The following OR52A5 variants were observed in gnomAD, a reference collection of about 807,000 sequenced individuals.
The protein encoded by OR52A5 is olfactory receptor family 52 subfamily A member 5.
OR52A5 carries 16 observed loss-of-function variants against 18.2 expected under a neutral mutation model. The ratio of observed to expected loss-of-function variants is 0.88; its 90% CI spans 0.60 to 1.34. OR52A5 has a LOEUF of 1.34. Among genes scored for constraint, OR52A5 ranks in the 40% most tolerant of loss-of-function variants. The probability of loss-of-function intolerance (pLI) is 0.00; values close to 1 mark genes in which losing one functional copy is unlikely to be tolerated. For missense variants in OR52A5, 418 were observed against 383.0 expected (o/e 1.09, Z -0.76); for synonymous variants, 140 against 137.2 (o/e 1.02, Z -0.14).
At position 5,131,571 on chromosome 11, in the gene OR52A5, A is replaced by G; in HGVS notation, c.*121T>C. The G allele has an allele frequency of 3.5e-6, 2 of 566,484 alleles. No individual in the cohort carries two copies. The highest frequency in any genetic ancestry group is 6.2e-6 in the Non-Finnish European group (2 of 322,200). 35.1% of individuals were successfully genotyped at this position (566,484 alleles called of 1,614,324 possible). ...TTCAAAGCAAATACTAAAAAGTGAG[A>G]CATAGCTAGAATTACAGGTATGTGT... is the stretch of plus-strand genomic sequence containing the variant. On this transcript the variant is annotated 3_prime_UTR_variant, in exon 2 of 2. Transcript: ENST00000307388.
At chr11:5,133,354 C>T (rs897996316) in intron 1 of OR52A5, among the ~76,000 whole-genome samples, 6 of 106,388 alleles carry the variant, frequency 5.6e-5, no homozygotes, top group Admixed American at 2.9e-4. Flanking sequence ...GACGACAGAG[C>T]GAGACTGTCA....
chr11:5,133,948 G>A (rs772653107), intron 1 of OR52A5, among the ~76,000 whole-genome samples: 3 of 151,968 alleles, frequency 2.0e-5, no homozygotes, highest in Non-Finnish European at 2.9e-5. Context: ...TCTTTGGCAC[G>A]TTATTTTGCA....
Position 5,130,052 on chromosome 11 carries a change from G to A in OR52A5, c.*1640C>T, listed in dbSNP as rs913886619. 6.6e-6 allele frequency: 1 copy of A among 151,032 alleles called. No homozygotes were observed. The highest frequency in any genetic ancestry group is 1.5e-5 in the Non-Finnish European group (1 of 67,750). 9.4% of individuals were successfully genotyped at this position (151,032 alleles called of 1,614,324 possible). A position where few individuals can be genotyped will look rare whatever the true frequency, so the allele number is the denominator to read the frequency against. The stretch of plus-strand genomic sequence containing the variant: ...AATGTGCATTTTTAAGATCTTTGTT[G>A]TTTGTCTTCCCTCATACTCCAGAGA... On this transcript the variant is annotated 3_prime_UTR_variant, in exon 2 of 2. Transcript: ENST00000307388.
rs542019614 is a variant in OR52A5 at position 5,132,337 on chromosome 11, T to A, written c.306A>T (p.Gln102His). The change falls in exon 2 of 2, where the codon CAA becomes CAT. Residue 102 changes from glutamine (Q) to histidine (H), a missense_variant. Gln to His is a conservative substitution (Grantham distance 24, BLOSUM62 0). Coordinates refer to ENST00000307388, the MANE Select transcript of OR52A5 (RefSeq NM_001005160.3). ...PEISFDACLF[Q>H]MWLIHSFQAI... ...CCTGGAATGAGTGAATAAGCCACATTTGAAAAAGACAGGCATCAAAAGAAA... is the reference window on the plus strand; with the variant it reads ...CCTGGAATGAGTGAATAAGCCACATATGAAAAAGACAGGCATCAAAAGAAA... The A allele has an allele frequency of 6.2e-7, 1 of 1,614,160 alleles. No homozygotes were observed. Among genetic ancestry groups the A allele is most frequent in the African/African-American group, 1.3e-5 (1 of 75,034 alleles).
chr11:5,128,991 A>C lies in OR52A5; in HGVS notation c.*2701T>G, dbSNP rs1337073774. Reference sequence around the variant, plus strand: ...TATTATGGCATGTGAATTCCATCTCAGTAAAAATAAACAATTGAATAAAGA... The same window carrying C: ...TATTATGGCATGTGAATTCCATCTCCGTAAAAATAAACAATTGAATAAAGA... On this transcript the variant is annotated 3_prime_UTR_variant, in exon 2 of 2. Coordinates refer to ENST00000307388, the MANE Select transcript of OR52A5 (RefSeq NM_001005160.3). The C allele has an allele frequency of 1.3e-5, 2 of 152,126 alleles. No homozygotes were observed. Among genetic ancestry groups the C allele is most frequent in the East Asian group, 3.9e-4 (2 of 5,184 alleles). The allele number at this position is 152,126 out of a possible 1,614,324, so 9.4% of individuals were successfully genotyped here.
At chr11:5,133,886 T>C (rs1218367059) in intron 1 of OR52A5, among the ~76,000 whole-genome samples, 1 of 152,220 alleles carries the variant, frequency 6.6e-6, no homozygotes, top group African/African-American at 2.4e-5. Flanking sequence ...TTTATATATC[T>C]ATACATCTTC....
Position 5,131,611 on chromosome 11 carries a change from G to A in OR52A5, c.*81C>T, listed in dbSNP as rs1846337628. 7 of 748,036 alleles carry A rather than the reference G, an allele frequency of 9.4e-6. No homozygotes were observed. Among genetic ancestry groups the A allele is most frequent in the East Asian group, 2.6e-5 (1 of 37,824 alleles). 46.3% of individuals were successfully genotyped at this position (748,036 alleles called of 1,614,324 possible). Reference sequence around the variant, plus strand: ...CAGGTATGTGTTGAGCTAGTAGTTTGAGAATATTGATCTGTGACTTTCATT... The same window carrying A: ...CAGGTATGTGTTGAGCTAGTAGTTTAAGAATATTGATCTGTGACTTTCATT... On this transcript the variant is annotated 3_prime_UTR_variant, in exon 2 of 2. Coordinates refer to ENST00000307388, the MANE Select transcript of OR52A5 (RefSeq NM_001005160.3).
In OR52A5 at chr11:5,129,368, T is replaced by G. The variant is rs1160794288; in HGVS notation, c.*2324A>C. 6.6e-6 allele frequency: 1 copy of G among 152,138 alleles called. No individual in the cohort carries two copies. The highest frequency in any genetic ancestry group is 1.5e-5 in the Non-Finnish European group (1 of 68,016). The allele number at this position is 152,138 out of a possible 1,614,324, so 9.4% of individuals were successfully genotyped here. A position where few individuals can be genotyped will look rare whatever the true frequency, so the allele number is the denominator to read the frequency against. ...ACATGCCCAGGAGTATGTAGAATGT[T>G]AAAGGAAGGGTAATGGAGAAACTCA... is the stretch of plus-strand genomic sequence containing the variant. On this transcript the variant is annotated 3_prime_UTR_variant, in exon 2 of 2. Transcript: ENST00000307388.
chr11:5,137,587 A>G (rs1026713650), intron 1 of OR52A5, among the ~76,000 whole-genome samples: 2 of 151,116 alleles, frequency 1.3e-5, no homozygotes, highest in African/African-American at 2.4e-5. Context: ...TCTTCTTTAT[A>G]TAGAGCTCCA....
At chr11:5,135,313 C>A (rs1485167481) in intron 1 of OR52A5, among the ~76,000 whole-genome samples, 4 of 152,062 alleles carry the variant, frequency 2.6e-5, no homozygotes, top group Non-Finnish European at 4.4e-5. Context: ...GACATTACTC[C>A]CCAATCACTT....
In OR52A5 at chr11:5,131,887, T is replaced by C. The variant is rs771226067; in HGVS notation, c.756A>G (p.Leu252=). Residue 252 remains leucine (L), a synonymous_variant, in exon 2 of 2, where the codon CTA becomes CTG. Transcript: ENST00000307388. ...NTCIAHICVF[L]QFYLLAFFSF... ...AGAAGAAGGCAAGAAGGTAGAACTG[T>C]AGGAAGACACAAATGTGGGCAATGC... The C allele has an allele frequency of 3.1e-6, 5 of 1,614,188 alleles. 1 individual carries two copies. The Admixed American group carries it at 8.3e-5, about 27-fold the overall frequency.
rs1846324420 is a variant in OR52A5, at chr11:5,130,343, A to G, written c.*1349T>C. On this transcript the variant is annotated 3_prime_UTR_variant, in exon 2 of 2. Coordinates refer to ENST00000307388, the MANE Select transcript of OR52A5 (RefSeq NM_001005160.3). ...TTATTATCTTCATTCTTTATCCTTCATGTATACTAACTTTTCTGAAAGAAT... is the reference window on the plus strand; with the variant it reads ...TTATTATCTTCATTCTTTATCCTTCGTGTATACTAACTTTTCTGAAAGAAT... 6.6e-6 allele frequency: 1 copy of G among 151,810 alleles called. No homozygotes were observed. Among genetic ancestry groups the G allele is most frequent in the Non-Finnish European group, 1.5e-5 (1 of 67,930 alleles). The allele number at this position is 151,810 out of a possible 1,614,324, so 9.4% of individuals were successfully genotyped here.
At position 5,128,800 on chromosome 11, in the gene OR52A5, T is replaced by C. The variant is rs1314201232; in HGVS notation, c.*2892A>G. Reference sequence around the variant, plus strand: ...TTGAAACAGAAAAGAGATTAGCAGTTGCTAAGACTGGAGATGGGGGGAGCA... The same window carrying C: ...TTGAAACAGAAAAGAGATTAGCAGTCGCTAAGACTGGAGATGGGGGGAGCA... On this transcript the variant is annotated 3_prime_UTR_variant, in exon 2 of 2. Transcript: ENST00000307388. 6.6e-6 allele frequency: 1 copy of C among 152,104 alleles called. No homozygotes were observed. The highest frequency in any genetic ancestry group is 1.5e-5 in the Non-Finnish European group (1 of 67,998). The allele number at this position is 152,104 out of a possible 1,614,324, so 9.4% of individuals were successfully genotyped here.
chr11:5,133,617 T>C (rs909216117), intron 1 of OR52A5, among the ~76,000 whole-genome samples: 1 of 151,924 alleles, frequency 6.6e-6, no homozygotes, highest in African/African-American at 2.4e-5. Flanking sequence ...GTGCATTCTC[T>C]AACAAAATTA....
chr11:5,137,755 C>G (rs1564850576), intron 1 of OR52A5, among the ~76,000 whole-genome samples: 1 of 152,096 alleles, frequency 6.6e-6, no homozygotes, highest in Non-Finnish European at 1.5e-5. Flanking sequence ...TGCCCTTGAG[C>G]CAGTTGTGAA....
chr11:5,135,777 C>A (rs1374774252), intron 1 of OR52A5, among the ~76,000 whole-genome samples: 1 of 152,124 alleles, frequency 6.6e-6, no homozygotes, highest in Admixed American at 6.6e-5. Context: ...CTGGACCTAA[C>A]CAATGTATTT....
chr11:5,130,998 A>C lies in OR52A5; in HGVS notation c.*694T>G, dbSNP rs908542367. 2 of 152,160 alleles carry C rather than the reference A, an allele frequency of 1.3e-5. No homozygotes were observed. Among genetic ancestry groups the C allele is most frequent in the African/African-American group, 4.8e-5 (2 of 41,446 alleles). The allele number at this position is 152,160 out of a possible 1,614,324, so 9.4% of individuals were successfully genotyped here. A position where few individuals can be genotyped will look rare whatever the true frequency, so the allele number is the denominator to read the frequency against. On this transcript the variant is annotated 3_prime_UTR_variant, in exon 2 of 2. Transcript: ENST00000307388. ...TCTCTAGCATGGTTTTCTGTATGGT[A>C]AGATTGCATATTACTTAGAGCCTCC...
chr11:5,133,864 T>G (rs181569141), intron 1 of OR52A5, among the ~76,000 whole-genome samples: 1 of 152,184 alleles, frequency 6.6e-6, no homozygotes, highest in East Asian at 1.9e-4. Flanking sequence ...AATTTTTTTC[T>G]TTACATAAAA....
In OR52A5 at chr11:5,131,629, C is replaced by T; in HGVS notation, c.*63G>A. ...GTAGTTTGAGAATATTGATCTGTGA[C>T]TTTCATTATATTTAGGTTTTTACTT... On this transcript the variant is annotated 3_prime_UTR_variant, in exon 2 of 2. Transcript: ENST00000307388. 1 of 901,878 alleles carries T rather than the reference C, an allele frequency of 1.1e-6. No homozygotes were observed. The highest frequency in any genetic ancestry group is 1.7e-6 in the Non-Finnish European group (1 of 583,186). The allele number at this position is 901,878 out of a possible 1,614,324, so 55.9% of individuals were successfully genotyped here.
Sources: allele counts gnomAD v4.1 joint callset (sites outside exome capture counted in the v4.1 genomes callset), GRCh38; gene constraint gnomAD v4.1.1; transcripts MANE v1.5; gene names NCBI Gene and HGNC (gene_info 2026-07-23, HGNC 2026-07-21).